Variants in DMKN observed in about 807,000 individuals in gnomAD.
The protein encoded by DMKN is dermokine.
In DMKN, 58 loss-of-function variants were observed where a neutral mutation model predicts 67.6. The ratio of observed to expected loss-of-function variants is 0.86; its 90% CI spans 0.69 to 1.07. DMKN has a LOEUF of 1.07. Ranked by LOEUF, DMKN falls within the 50% of genes least tolerant of loss-of-function variation. DMKN has a pLI of 0.00. For synonymous variants in DMKN, 240 were observed against 232.3 expected (o/e 1.03, Z -0.30); for missense variants, 596 against 601.5 (o/e 0.99, Z 0.10).
chr19:35,503,261 C>G (rs1446016728), intron 9 of DMKN: 1 of 1,473,370 alleles, frequency 6.8e-7, no homozygotes, highest in Non-Finnish European at 9.0e-7. Context: ...CCACACCACC[C>G]TGGATAACAG....
At chr19:35,502,712 A>T in intron 10 of DMKN, 118 bp downstream of exon 10, 1 of 1,047,190 alleles carries the variant, frequency 9.5e-7, no homozygotes, top group South Asian at 1.4e-5. Context: ...CTCAAAAAAA[A>T]AAAGGGGGGG....
chr19:35,503,578 C>G, intron 9 of DMKN: 2 of 1,272,974 alleles, frequency 1.6e-6, no homozygotes, highest in Non-Finnish European at 2.2e-6. Context: ...CAGGTTCAAG[C>G]GATTCTCCTG....
Position 35,509,961 on chromosome 19 carries a change from A to G in DMKN, c.988T>C (p.Cys330Arg). 6.2e-7 allele frequency: 1 copy of G among 1,614,052 alleles called. No individual in the cohort carries two copies. The highest frequency in any genetic ancestry group is 8.5e-7 in the Non-Finnish European group (1 of 1,179,984). ...CGGGCTTCATTCCCTGGCTTTTCAC[A>G]CTGCCGGGGAGAGAAAGGGGAGACT... ...SGGGNGHKPGCEKPGNEARGS... is the reference protein window; with the variant it reads ...SGGGNGHKPGREKPGNEARGS... The change falls in exon 7 of 16, where the codon TGT (cysteine) becomes CGT (arginine). Residue 330 changes from cysteine (C) to arginine (R), a missense_variant and splice_region_variant. Transcript: ENST00000339686.
chr19:35,513,107 G>C lies in DMKN; in HGVS notation c.369C>G (p.His123Gln), dbSNP rs140086096. Residue 123 changes from histidine (H) to glutamine (Q), a missense_variant, in exon 1 of 16, where the codon CAC becomes CAG. Coordinates refer to ENST00000339686, the MANE Select transcript of DMKN (RefSeq NM_033317.5). ...AGGAGCCGCGGACAGCATCTGCTCC[G>C]TGTCGAATGACATCTTCTGCCTGTC... is the stretch of plus-strand genomic sequence containing the variant. Reference protein sequence around the residue: ...IGRQAEDVIRHGADAVRGSWQ... With the variant: ...IGRQAEDVIRQGADAVRGSWQ... 12 of 1,614,114 alleles carry C rather than the reference G, an allele frequency of 7.4e-6. No homozygotes were observed. The Admixed American group carries it at 2.0e-4, about 27-fold the overall frequency.
chr19:35,506,312 G>A, intron 7 of DMKN: 1 of 955,298 alleles, frequency 1.0e-6, no homozygotes, highest in Non-Finnish European at 1.5e-6. Context: ...TCTCTATAAA[G>A]CTGCCTTCTC....
chr19:35,502,751 G>A, intron 10 of DMKN, 79 bp downstream of exon 10: 1 of 1,472,270 alleles, frequency 6.8e-7, no homozygotes, highest in Non-Finnish European at 9.5e-7. Flanking sequence ...TGGAGCAGAG[G>A]GTGGCTGCCT....
Position 35,512,726 on chromosome 19 carries a change from T to C in DMKN, c.491A>G (p.Asn164Ser). ...QGGLGGQGQG[N>S]PGGLGTPWVH... is the part of the protein sequence containing the mutation. ...CCACGGAGTCCCCAGACCTCCAGGA[T>C]TGCCCTGGCCCTGGCCTCCAAGGCC... The change falls in exon 2 of 16, where the codon AAT (asparagine) becomes AGT (serine). Residue 164 changes from asparagine to serine, a missense_variant. Coordinates refer to ENST00000339686, the MANE Select transcript of DMKN (RefSeq NM_033317.5). 1 of 1,614,156 alleles carries C rather than the reference T, an allele frequency of 6.2e-7. No homozygotes were observed. The highest frequency in any genetic ancestry group is 8.5e-7 in the Non-Finnish European group (1 of 1,180,018).
At chr19:35,508,173 A>G in intron 7 of DMKN, 2 of 1,551,926 alleles carry the variant, frequency 1.3e-6, no homozygotes, top group Non-Finnish European at 1.7e-6. Flanking sequence ...CTACCGGCAC[A>G]GTCTCTGACC....
chr19:35,500,305 G>A, intron 12 of DMKN: 1 of 1,516,648 alleles, frequency 6.6e-7, no homozygotes, highest in South Asian at 1.2e-5. Context: ...AGTGTTACTT[G>A]GGAGGTGAGG....
Position 35,511,590 on chromosome 19 carries a change from C to T in DMKN, c.739G>A (p.Gly247Ser). 6.2e-7 allele frequency: 1 copy of T among 1,611,856 alleles called. No homozygotes were observed. The highest frequency in any genetic ancestry group is 8.5e-7 in the Non-Finnish European group (1 of 1,179,732). Reference sequence around the variant, plus strand: ...CTGCTGCCCGACTGTGAGCCGCTGCCTCCCTGAGGGGCAGGAAGGGAGCAG... The same window carrying T: ...CTGCTGCCCGACTGTGAGCCGCTGCTTCCCTGAGGGGCAGGAAGGGAGCAG... ...SGGGSSNSGG[G>S]SGSQSGSSGS... The change falls in exon 5 of 16, where the codon GGC (glycine) becomes AGC (serine). Residue 247 changes from glycine to serine, a missense_variant. By Grantham distance (56) the Gly-to-Ser change is moderately conservative. Coordinates refer to ENST00000339686, the MANE Select transcript of DMKN (RefSeq NM_033317.5).
intron 3 of DMKN, among the ~76,000 whole-genome samples, 182 bp downstream of exon 3, chr19:35,512,239 C>A (rs2070966964): frequency 1.3e-5 from 2 of 152,094 alleles, no homozygotes; most frequent in African/African-American, 4.8e-5. Context: ...CTCAGGTGAT[C>A]CACGTGCCTT....
intron 7 of DMKN, among the ~76,000 whole-genome samples, chr19:35,509,263 G>A (rs1214891674): frequency 8.2e-6 from 1 of 122,312 alleles, no homozygotes; most frequent in Admixed American, 7.8e-5. Flanking sequence ...TTACAAATGG[G>A]AAGAAATTTT....
At position 35,502,201 on chromosome 19, in the gene DMKN, G is replaced by C; in HGVS notation, c.1192-18C>G. 6.2e-7 allele frequency: 1 copy of C among 1,613,790 alleles called. No individual in the cohort carries two copies. Among genetic ancestry groups the C allele is most frequent in the African/African-American group, 1.3e-5 (1 of 75,044 alleles). ...TTGAAATCCTGCAGGGAGAAGGAGGGCAGAGTGGGCCGGGGAGGCAGAACC... is the reference window on the plus strand; with the variant it reads ...TTGAAATCCTGCAGGGAGAAGGAGGCCAGAGTGGGCCGGGGAGGCAGAACC... On this transcript the variant is annotated intron_variant, in intron 10 of 15. Transcript: ENST00000339686.
At chr19:35,512,958 G>C in intron 1 of DMKN, 92 bp downstream of exon 1, 2 of 1,565,810 alleles carry the variant, frequency 1.3e-6, no homozygotes, top group Non-Finnish European at 1.7e-6. Context: ...CTGCAAGTAA[G>C]AGATCCATCC....
chr19:35,504,747 T>C (rs934621671), intron 9 of DMKN, among the ~76,000 whole-genome samples: 1 of 152,056 alleles, frequency 6.6e-6, no homozygotes, highest in Non-Finnish European at 1.5e-5. Flanking sequence ...TTCTCTCTTT[T>C]ACATTAAAGG....
intron 15 of DMKN, among the ~76,000 whole-genome samples, chr19:35,498,094 C>T (rs966125877): frequency 1.3e-5 from 2 of 152,146 alleles, no homozygotes; most frequent in Non-Finnish European, 1.5e-5. Flanking sequence ...GTAGCTAGAA[C>T]TACAGGCATG....
chr19:35,513,067 C>A lies in DMKN; in HGVS notation c.409G>T (p.Gly137Cys). The A allele has an allele frequency of 6.2e-7, 1 of 1,613,796 alleles. No homozygotes were observed. Among genetic ancestry groups the A allele is most frequent in the South Asian group, 1.1e-5 (1 of 91,080 alleles). Reference protein sequence around the residue: ...AVRGSWQGVPGHNGAWETSGG... With the variant: ...AVRGSWQGVPCHNGAWETSGG... ...CCACTCACCCAAGCACCATTGTGGCCAGGCACCCCCTGCCAGGAGCCGCGG... is the reference window on the plus strand; with the variant it reads ...CCACTCACCCAAGCACCATTGTGGCAAGGCACCCCCTGCCAGGAGCCGCGG... The change falls in exon 1 of 16, where the codon GGC (glycine) becomes TGC (cysteine). Residue 137 changes from glycine to cysteine, a missense_variant. Physicochemically the swap from Gly to Cys is radical, Grantham distance 159. Transcript: ENST00000339686.
intron 7 of DMKN, chr19:35,507,306 C>G: frequency 1.6e-6 from 1 of 627,856 alleles, no homozygotes; most frequent in Non-Finnish European, 2.7e-6. Flanking sequence ...GATGGGGATC[C>G]CAGAACCCTG....
chr19:35,505,793 C>T (rs1488002504), intron 8 of DMKN, 28 bp from the exon 9 acceptor site: 1 of 1,614,140 alleles, frequency 6.2e-7, no homozygotes, highest in South Asian at 1.1e-5. Context: ...AGAAGAATGG[C>T]CAAATTGAGT....
Sources: allele counts gnomAD v4.1 joint callset (sites outside exome capture counted in the v4.1 genomes callset), GRCh38; gene constraint gnomAD v4.1.1; transcripts MANE v1.5; gene names NCBI Gene and HGNC (gene_info 2026-07-23, HGNC 2026-07-21).